The following MICU1 variants were observed in gnomAD, a reference collection of about 807,000 sequenced individuals.
The protein encoded by MICU1 is calcium uptake protein 1, mitochondrial.
Under a neutral mutation model 56.8 loss-of-function variants are expected in MICU1, and 45 were observed. The ratio of observed to expected loss-of-function variants is 0.79; its 90% CI spans 0.62 to 1.02. MICU1 has a LOEUF of 1.02. Among genes scored for constraint, MICU1 ranks in the 50% least tolerant of loss-of-function variants. The pLI is 0.00. For synonymous variants in MICU1, 186 were observed against 195.1 expected (o/e 0.95, Z 0.39); for missense variants, 504 against 587.1 (o/e 0.86, Z 1.46).
At chr10:72,559,246 C>T (rs1042037245) in intron 3 of MICU1, among the ~76,000 whole-genome samples, 1 of 152,066 alleles carries the variant, frequency 6.6e-6, no homozygotes, top group African/African-American at 2.4e-5. Flanking sequence ...CAGTTTACCT[C>T]TGAAGAAGAT....
At chr10:72,452,977 G>A (rs550810633) in intron 8 of MICU1, among the ~76,000 whole-genome samples, 17 of 152,176 alleles carry the variant, frequency 1.1e-4, no homozygotes, top group East Asian at 3.9e-4. Context: ...GAGACTGGAA[G>A]GATGTGTGTC....
chr10:72,517,682 G>C lies in MICU1; in HGVS notation c.538-9413C>G, dbSNP rs200495136. ...CTACAAATTGGGTTCAGTGTACACT[G>C]CTCGGTGATGGGTGCACCAAAATCT... On this transcript the variant is annotated intron_variant, in intron 5 of 11. Transcript: ENST00000361114. Among the ~76,000 whole-genome samples the C allele has an allele frequency of 1.9e-3, 294 of 152,138 alleles. 1 individual carries two copies. Among genetic ancestry groups the C allele is most frequent in the East Asian group, 0.017 (88 of 5,184 alleles).
At chr10:72,609,720 C>G (rs1474001501) in intron 1 of MICU1, among the ~76,000 whole-genome samples, 1 of 146,288 alleles carries the variant, frequency 6.8e-6, no homozygotes, top group Non-Finnish European at 1.5e-5. Context: ...GGCAACAGAG[C>G]CAGACCCCGT....
At chr10:72,472,093 G>A (rs1865968984) in intron 8 of MICU1, among the ~76,000 whole-genome samples, 1 of 152,146 alleles carries the variant, frequency 6.6e-6, no homozygotes, top group South Asian at 2.1e-4. Flanking sequence ...AGCTCTGGAA[G>A]CATAATACTT....
At chr10:72,444,704 C>T (rs1467659071) in intron 8 of MICU1, among the ~76,000 whole-genome samples, 10 of 152,216 alleles carry the variant, frequency 6.6e-5, no homozygotes, top group African/African-American at 1.9e-4. Context: ...CTAACTTGGC[C>T]TCCCAAAGTG....
intron 1 of MICU1, among the ~76,000 whole-genome samples, chr10:72,596,390 A>C (rs1305513104): frequency 6.6e-6 from 1 of 152,076 alleles, no homozygotes; most frequent in African/African-American, 2.4e-5. Context: ...GGGACTCCTG[A>C]TCATGCCACT....
intron 10 of MICU1, among the ~76,000 whole-genome samples, chr10:72,376,227 G>A (rs1198467947): frequency 1.3e-5 from 2 of 151,676 alleles, no homozygotes; most frequent in Non-Finnish European, 2.9e-5. Flanking sequence ...GCAGTGAGCT[G>A]AGATCACGCC....
chr10:72,555,345 G>A (rs992663213), intron 3 of MICU1, among the ~76,000 whole-genome samples: 1 of 152,082 alleles, frequency 6.6e-6, no homozygotes, highest in Admixed American at 6.6e-5. Context: ...GCCCCAGCTT[G>A]AGACTTGAGT....
intron 9 of MICU1, among the ~76,000 whole-genome samples, chr10:72,418,280 C>A (rs776355691): frequency 2.6e-5 from 4 of 152,142 alleles, no homozygotes; most frequent in African/African-American, 9.7e-5. Context: ...GTTAAGAAAA[C>A]CCCAGAACAC....
chr10:72,578,397 A>G (rs1183165616), intron 1 of MICU1, among the ~76,000 whole-genome samples: 1 of 150,766 alleles, frequency 6.6e-6, no homozygotes, highest in Non-Finnish European at 1.5e-5. Flanking sequence ...AGCAGGGATT[A>G]CAGGCATGTG....
intron 8 of MICU1, among the ~76,000 whole-genome samples, chr10:72,465,021 G>A (rs111643136): frequency 2.2e-4 from 33 of 152,252 alleles, no homozygotes; most frequent in Non-Finnish European, 3.5e-4. Flanking sequence ...ATTTTTTTGA[G>A]ATGGAGTCTT....
intron 1 of MICU1, among the ~76,000 whole-genome samples, chr10:72,593,454 A>T (rs1194008283): frequency 6.6e-6 from 1 of 151,168 alleles, no homozygotes; most frequent in Non-Finnish European, 1.5e-5. Flanking sequence ...AACCTGGGAG[A>T]TGGAGGTTGT....
chr10:72,509,216 T>C (rs1212485413), intron 5 of MICU1, among the ~76,000 whole-genome samples: 1 of 152,256 alleles, frequency 6.6e-6, no homozygotes, highest in Non-Finnish European at 1.5e-5. Flanking sequence ...AGGAATTATT[T>C]TGAGTATAAA....
intron 9 of MICU1, among the ~76,000 whole-genome samples, chr10:72,420,933 C>T (rs187752850): frequency 1.3e-3 from 185 of 141,330 alleles, no homozygotes; most frequent in Non-Finnish European, 2.4e-3. Flanking sequence ...ACCCAGGAGG[C>T]GGAGGTTGCG....
At chr10:72,563,142 G>C in intron 2 of MICU1, 79 bp from the exon 3 acceptor site, 3 of 1,082,374 alleles carry the variant, frequency 2.8e-6, no homozygotes, top group Non-Finnish European at 3.7e-6. Flanking sequence ...ATACAGCTTA[G>C]CAGAGCAACA....
At chr10:72,466,235 G>A (rs1361156880) in intron 8 of MICU1, among the ~76,000 whole-genome samples, 2 of 152,180 alleles carry the variant, frequency 1.3e-5, no homozygotes, top group Non-Finnish European at 2.9e-5. Flanking sequence ...GCCTCTATAT[G>A]CTGACAAAGA....
chr10:72,531,923 C>T (rs865868152), intron 5 of MICU1, among the ~76,000 whole-genome samples: 4 of 141,792 alleles, frequency 2.8e-5, no homozygotes, highest in Admixed American at 7.2e-5. Context: ...TTTTTTGAGA[C>T]GGAGTCTCGC....
chr10:72,543,495 G>A (rs895813449), intron 4 of MICU1, among the ~76,000 whole-genome samples: 1 of 133,550 alleles, frequency 7.5e-6, no homozygotes, highest in African/African-American at 2.7e-5. Flanking sequence ...GCAACATAGC[G>A]AGACCCCATC....
At chr10:72,512,683 TTTTTGTTTTGTTTTGTTTTG>T (rs139345007) in intron 5 of MICU1, among the ~76,000 whole-genome samples, 1 of 147,948 alleles carries the variant, frequency 6.8e-6, no homozygotes, top group African/African-American at 2.5e-5. Flanking sequence ...ATGTTTTTGG[TTTTTGTTTTGTTTTGTTTTG>T]TTTTGTTTTG....
Sources: allele counts gnomAD v4.1 joint callset (sites outside exome capture counted in the v4.1 genomes callset), GRCh38; gene constraint gnomAD v4.1.1; transcripts MANE v1.5; gene names NCBI Gene and HGNC (gene_info 2026-07-23, HGNC 2026-07-21).